Variants in DGKB observed in about 807,000 individuals in gnomAD.
DGKB encodes diacylglycerol kinase beta, also known as 90 kDa diacylglycerol kinase.
Under a neutral mutation model 114.3 loss-of-function variants are expected in DGKB, and 67 were observed. That is an observed-to-expected ratio of 0.59 (90% CI 0.48 to 0.72). DGKB has a LOEUF of 0.72. Ranked by LOEUF, DGKB falls within the 30% of genes least tolerant of loss-of-function variation. The pLI, the probability that DGKB is intolerant of heterozygous loss-of-function variation, is 0.00. For synonymous variants in DGKB, 398 were observed against 323.1 expected, an observed-to-expected ratio of 1.23 and a Z score of -2.49; for missense variants, 907 against 975.2, an observed-to-expected ratio of 0.93 and a Z score of 0.93.
intron 20 of DGKB, among the ~76,000 whole-genome samples, chr7:14,566,126 T>C (rs1030489183): frequency 6.6e-6 from 1 of 152,142 alleles, no homozygotes; most frequent in Admixed American, 6.6e-5. Context: ...AAGAATCATT[T>C]TATAGAAACT....
chr7:14,704,816 T>C (rs1029361541), intron 6 of DGKB, among the ~76,000 whole-genome samples: 5 of 152,132 alleles, frequency 3.3e-5, no homozygotes, highest in African/African-American at 1.2e-4. Flanking sequence ...AAAACCCATC[T>C]GTACATCACC....
chr7:14,901,607 C>T (rs1410288971), intron 1 of DGKB, among the ~76,000 whole-genome samples: 2 of 134,044 alleles, frequency 1.5e-5, no homozygotes, highest in Admixed American at 7.6e-5. Flanking sequence ...GGATTTCCAC[C>T]CCCCCCCACC....
intron 6 of DGKB, among the ~76,000 whole-genome samples, chr7:14,715,437 G>T (rs1828031290): frequency 6.6e-6 from 1 of 152,096 alleles, no homozygotes; most frequent in South Asian, 2.1e-4. Context: ...AATCAGCCCT[G>T]AGACCATGTC....
chr7:14,725,326 C>T (rs1016727985), intron 5 of DGKB, among the ~76,000 whole-genome samples: 8 of 152,050 alleles, frequency 5.3e-5, no homozygotes, highest in African/African-American at 1.2e-4. Flanking sequence ...GTTGTGCAGG[C>T]TCTATACTGT....
intron 23 of DGKB, among the ~76,000 whole-genome samples, chr7:14,271,217 A>C (rs1382984764): frequency 6.6e-6 from 1 of 152,194 alleles, no homozygotes; most frequent in African/African-American, 2.4e-5. Context: ...TTGTATTTTA[A>C]CAGAAATCTG....
intron 23 of DGKB, among the ~76,000 whole-genome samples, chr7:14,236,055 T>C (rs939012002): frequency 1.4e-4 from 21 of 152,060 alleles, no homozygotes; most frequent in Admixed American, 1.2e-3. Flanking sequence ...TTCACTTATT[T>C]TCCTTTCTGT....
intron 24 of DGKB, among the ~76,000 whole-genome samples, chr7:14,177,554 C>CAAAAAAAAAAAAAA (rs56019837): frequency 5.8e-5 from 4 of 69,014 alleles, no homozygotes; most frequent in Admixed American, 2.3e-4. Flanking sequence ...AACTCCGTCT[C>CAAAAAAAAAAAAAA]AAAAAAAAAA....
intron 1 of DGKB, among the ~76,000 whole-genome samples, chr7:14,880,901 C>T (rs1487912720): frequency 6.6e-6 from 1 of 151,942 alleles, no homozygotes; most frequent in East Asian, 1.9e-4. Flanking sequence ...TGCTCGTTTC[C>T]AGTTTTATGT....
At chr7:14,707,389 C>A (rs1433098849) in intron 6 of DGKB, among the ~76,000 whole-genome samples, 1 of 147,400 alleles carries the variant, frequency 6.8e-6, no homozygotes, top group East Asian at 2.0e-4. Flanking sequence ...ACCAGAGGTA[C>A]AAGGAGGAAC....
chr7:14,651,337 G>C (rs1814444655), intron 13 of DGKB, among the ~76,000 whole-genome samples: 1 of 151,694 alleles, frequency 6.6e-6, no homozygotes, highest in Admixed American at 6.6e-5. Flanking sequence ...TGCAAGGCTG[G>C]TTCAATACAC....
Position 14,736,063 on chromosome 7 carries a change from AC to A in DGKB, c.299del (p.Ser100IlefsTer10). The part of the protein sequence containing the change: ...KFPHSSPMVK[S>X]KPALLSGGLR... ...TACCGCCTGATAGGAGAGCAGGCTTACTTTTTACCATTGGACTAGAATGAGG... is the reference window on the plus strand; with the variant it reads ...TACCGCCTGATAGGAGAGCAGGCTTATTTTTACCATTGGACTAGAATGAGG... On this transcript the variant is annotated frameshift_variant, in exon 5 of 26. Transcript: ENST00000402815. LOFTEE classifies it high-confidence loss of function. 1 of 1,605,240 alleles carries A rather than the reference AC, an allele frequency of 6.2e-7. No individual in the cohort carries two copies. The highest frequency in any genetic ancestry group is 8.5e-7 in the Non-Finnish European group (1 of 1,175,402).
intron 1 of DGKB, among the ~76,000 whole-genome samples, chr7:14,881,850 T>C (rs1325932130): frequency 2.6e-5 from 4 of 151,970 alleles, no homozygotes; most frequent in African/African-American, 9.7e-5. Flanking sequence ...AACCTAAAGG[T>C]TAGTATATAT....
chr7:14,374,732 C>T (rs1327177777), intron 21 of DGKB, among the ~76,000 whole-genome samples: 11 of 152,160 alleles, frequency 7.2e-5, no homozygotes, highest in Admixed American at 6.5e-4. Flanking sequence ...AATCTCAATA[C>T]TATTTACATT....
intron 1 of DGKB, among the ~76,000 whole-genome samples, chr7:14,913,167 T>C (rs1784076984): frequency 6.6e-6 from 1 of 152,036 alleles, no homozygotes; most frequent in Non-Finnish European, 1.5e-5. Flanking sequence ...AGATGTCTTC[T>C]CTGCCCTGAA....
chr7:14,599,055 G>GTA (rs1344015470), intron 17 of DGKB, among the ~76,000 whole-genome samples: 3 of 152,158 alleles, frequency 2.0e-5, no homozygotes, highest in Non-Finnish European at 4.4e-5. Context: ...CACGTTTTAG[G>GTA]TATAATGATT....
chr7:14,934,309 A>G (rs923488567), intron 1 of DGKB, among the ~76,000 whole-genome samples: 1 of 152,200 alleles, frequency 6.6e-6, no homozygotes, highest in Non-Finnish European at 1.5e-5. Context: ...AATTTTCAAC[A>G]GAAACATTAT....
At chr7:14,261,514 C>G (rs913390801) in intron 23 of DGKB, among the ~76,000 whole-genome samples, 1 of 152,042 alleles carries the variant, frequency 6.6e-6, no homozygotes, top group Non-Finnish European at 1.5e-5. Flanking sequence ...ACAAAAACAC[C>G]TAAAGTTGAT....
At chr7:14,579,153 T>C (rs946235447) in intron 19 of DGKB, among the ~76,000 whole-genome samples, 2 of 152,200 alleles carry the variant, frequency 1.3e-5, no homozygotes, top group Admixed American at 6.5e-5. Context: ...TATTTCATTA[T>C]TGTTCAATTT....
chr7:14,191,804 C>T, intron 23 of DGKB: 2 of 411,946 alleles, frequency 4.9e-6, no homozygotes, highest in Admixed American at 2.6e-5. Flanking sequence ...GGTGACTATT[C>T]TGCACCAAAC....
Sources: gnomAD v4.1 joint callset for allele counts (sites outside exome capture counted in the v4.1 genomes callset) on GRCh38, gnomAD v4.1.1 for gene constraint, MANE v1.5 for transcripts, NCBI Gene and HGNC (gene_info 2026-07-23, HGNC 2026-07-21) for gene names.